TYW1B: variants seen among roughly 807,000 people sequenced by gnomAD.
TYW1B encodes the protein S-adenosyl-L-methionine-dependent tRNA 4-demethylwyosine synthase TYW1B.
Under a neutral mutation model 86.9 loss-of-function variants are expected in TYW1B, and 73 were observed. The observed-to-expected ratio is 0.84, with a 90% CI of 0.70 to 1.02. TYW1B has a LOEUF of 1.02. Ranked by LOEUF, TYW1B falls within the 50% of genes least tolerant of loss-of-function variation. The pLI is 0.00. For missense variants in TYW1B, 637 were observed against 827.4 expected, an observed-to-expected ratio of 0.77 and a Z score of 2.82; for synonymous variants, 248 against 292.8, an observed-to-expected ratio of 0.85 and a Z score of 1.56.
At chr7:72,687,520 T>C (rs1460785801) in intron 11 of TYW1B, among the ~76,000 whole-genome samples, 1 of 152,174 alleles carries the variant, frequency 6.6e-6, no homozygotes, top group Non-Finnish European at 1.5e-5. Context: ...TCAGAACCAC[T>C]ATTACTTGCA....
chr7:72,727,955 C>A (rs1185632074), intron 9 of TYW1B, among the ~76,000 whole-genome samples: 11 of 152,150 alleles, frequency 7.2e-5, no homozygotes, highest in African/African-American at 2.7e-4. Flanking sequence ...TTTGAGAACC[C>A]GTAACCTCCA....
intron 10 of TYW1B, among the ~76,000 whole-genome samples, chr7:72,705,300 GT>G (rs1554453442): frequency 6.6e-6 from 1 of 152,188 alleles, no homozygotes; most frequent in Non-Finnish European, 1.5e-5. Context: ...AAAAGATGGG[GT>G]GAATGTCTCA....
Position 72,744,966 on chromosome 7 carries a change from C to A in TYW1B, c.965-365G>T, listed in dbSNP as rs1248745248. On this transcript the variant is annotated intron_variant, in intron 7 of 13. Coordinates refer to ENST00000620995, the MANE Select transcript of TYW1B (RefSeq NM_001145440.3). ...AATGGGGGCTGTCTGCCTATGCAAG[C>A]ATATCCCTGCTCTGAGTAAAGAAGG... Among the ~76,000 whole-genome samples the A allele has an allele frequency of 2.0e-5, 3 of 152,206 alleles. No individual in the cohort carries two copies. In the South Asian group the frequency reaches 6.2e-4, roughly 32 times the overall value.
chr7:72,719,033 T>C (rs1786842673), intron 9 of TYW1B, among the ~76,000 whole-genome samples: 1 of 152,150 alleles, frequency 6.6e-6, no homozygotes, highest in Non-Finnish European at 1.5e-5. Context: ...TTATAACAAT[T>C]AAATGAAATA....
At chr7:72,671,929 T>G (rs1813615344) in intron 11 of TYW1B, among the ~76,000 whole-genome samples, 1 of 151,038 alleles carries the variant, frequency 6.6e-6, no homozygotes, top group Non-Finnish European at 1.5e-5. Flanking sequence ...AATAGGAGGC[T>G]GGATAAATAT....
chr7:72,777,038 CAACTAT>C (rs1787967894), intron 7 of TYW1B, among the ~76,000 whole-genome samples: 1 of 152,092 alleles, frequency 6.6e-6, no homozygotes, highest in South Asian at 2.1e-4. Flanking sequence ...ATCATTCATG[CAACTAT>C]AACCTCCTTA....
intron 11 of TYW1B, among the ~76,000 whole-genome samples, chr7:72,632,591 C>T (rs1812563306): frequency 1.4e-5 from 2 of 140,290 alleles, no homozygotes; most frequent in Admixed American, 7.7e-5. Context: ...AAACAAAAAC[C>T]AATCTACATG....
chr7:72,756,690 T>A (rs1554466205), intron 7 of TYW1B, among the ~76,000 whole-genome samples: 2 of 152,096 alleles, frequency 1.3e-5, no homozygotes, highest in Non-Finnish European at 2.9e-5. Context: ...CTGCGGTCGC[T>A]CAGCTCCTGG....
At chr7:72,611,813 G>A (rs1216982535) in intron 13 of TYW1B, among the ~76,000 whole-genome samples, 5 of 152,066 alleles carry the variant, frequency 3.3e-5, no homozygotes, top group African/African-American at 1.2e-4. Flanking sequence ...CCTTTGTCCT[G>A]GCGCACACTT....
chr7:72,690,934 G>C (rs545772049), intron 11 of TYW1B, among the ~76,000 whole-genome samples: 1 of 152,162 alleles, frequency 6.6e-6, no homozygotes, highest in African/African-American at 2.4e-5. Context: ...TGTATCTGTA[G>C]TAGAGACGGG....
chr7:72,632,176 T>C (rs1290982725), intron 11 of TYW1B, among the ~76,000 whole-genome samples: 2 of 148,118 alleles, frequency 1.4e-5, no homozygotes, highest in Non-Finnish European at 3.0e-5. Context: ...GGAGGATTGC[T>C]TGAACTTGGG....
intron 6 of TYW1B, among the ~76,000 whole-genome samples, chr7:72,785,312 TG>T (rs1554472235): frequency 1.4e-5 from 2 of 148,038 alleles, no homozygotes; most frequent in African/African-American, 4.9e-5. Flanking sequence ...CTAATTATAT[TG>T]GAATAGTTAA....
At chr7:72,577,651 C>T (rs1354303274) in intron 13 of TYW1B, among the ~76,000 whole-genome samples, 1 of 152,188 alleles carries the variant, frequency 6.6e-6, no homozygotes, top group East Asian at 1.9e-4. Context: ...TCCTCTGGGC[C>T]GCAGCCACTG....
At chr7:72,816,884 G>A (rs1788734291) in intron 2 of TYW1B, among the ~76,000 whole-genome samples, 1 of 152,114 alleles carries the variant, frequency 6.6e-6, no homozygotes, top group Non-Finnish European at 1.5e-5. Context: ...AGCTGGCCCT[G>A]TGCAGCTCTT....
intron 8 of TYW1B, among the ~76,000 whole-genome samples, chr7:72,740,405 GA>G (rs71071908): frequency 0.7 from 92,188 of 131,860 alleles, 32,212 homozygotes; most frequent in Non-Finnish European, 0.77. Context: ...GTCTCAAAAG[GA>G]AAAAAAAAAA....
intron 7 of TYW1B, among the ~76,000 whole-genome samples, chr7:72,764,163 G>T (rs116376376): frequency 6.6e-6 from 1 of 152,052 alleles, no homozygotes; most frequent in African/African-American, 2.4e-5. Flanking sequence ...AAATTTCATC[G>T]GATCTTAACC....
At chr7:72,592,504 CA>C (rs1378652490) in intron 13 of TYW1B, among the ~76,000 whole-genome samples, 1 of 152,132 alleles carries the variant, frequency 6.6e-6, no homozygotes, top group Non-Finnish European at 1.5e-5. Context: ...AGCTGTAAGG[CA>C]TATGAGAAAT....
intron 11 of TYW1B, among the ~76,000 whole-genome samples, chr7:72,641,498 C>A (rs1214865249): frequency 9.9e-5 from 15 of 152,164 alleles, no homozygotes; most frequent in Non-Finnish European, 1.9e-4. Flanking sequence ...CCAAATACAA[C>A]ATCATATTAA....
chr7:72,696,805 TG>T (rs782236810), intron 10 of TYW1B, among the ~76,000 whole-genome samples: 3 of 152,104 alleles, frequency 2.0e-5, no homozygotes, highest in Non-Finnish European at 2.9e-5. Context: ...AGGACAGAGG[TG>T]ATTAAGATCC....
Sources: allele counts gnomAD v4.1 joint callset (sites outside exome capture counted in the v4.1 genomes callset), GRCh38; gene constraint gnomAD v4.1.1; transcripts MANE v1.5; gene names NCBI Gene and HGNC (gene_info 2026-07-23, HGNC 2026-07-21).